Variants in LRP12 observed in about 807,000 individuals in gnomAD.
The protein encoded by LRP12 is LDL receptor related protein 12, also known as low-density lipoprotein receptor-related protein 12.
A neutral mutation model predicts 66.0 loss-of-function variants in LRP12; 14 were observed. The observed-to-expected ratio is 0.21, with a 90% confidence interval of 0.14 to 0.33. LRP12 has a LOEUF of 0.33. Ranked by LOEUF, LRP12 falls within the 10% of genes least tolerant of loss-of-function variation. The pLI, the probability that LRP12 is intolerant of heterozygous loss-of-function variation, is 1.00. For synonymous variants in LRP12, 357 were observed against 359.1 expected (o/e 0.99, Z 0.07); for missense variants, 889 against 1,053.4 (o/e 0.84, Z 2.16).
intron 2 of LRP12, among the ~76,000 whole-genome samples, chr8:104,526,479 CAG>C (rs1395128094): frequency 6.6e-6 from 1 of 150,832 alleles, no homozygotes; most frequent in Non-Finnish European, 1.5e-5. Flanking sequence ...GGTACCAAAA[CAG>C]AGATATAGAT....
chr8:104,523,904 T>G (rs1811187889), intron 2 of LRP12, among the ~76,000 whole-genome samples: 1 of 152,124 alleles, frequency 6.6e-6, no homozygotes, highest in Non-Finnish European at 1.5e-5. Flanking sequence ...GAATTTTCTC[T>G]TATGATTTTC....
At chr8:104,506,641 GT>G (rs1329256666) in intron 3 of LRP12, 3 of 152,218 alleles carry the variant, frequency 2.0e-5, no homozygotes, top group African/African-American at 7.2e-5. Context: ...TCAGGCTGTG[GT>G]TGGTGGAAGA....
chr8:104,581,744 A>C (rs1389694935), intron 1 of LRP12, among the ~76,000 whole-genome samples: 1 of 148,624 alleles, frequency 6.7e-6, no homozygotes, highest in Non-Finnish European at 1.5e-5. Context: ...TAATGTAGAC[A>C]AAAAAAAAAT....
At chr8:104,525,521 A>AAATTCATG (rs1267318565) in intron 2 of LRP12, among the ~76,000 whole-genome samples, 2 of 152,176 alleles carry the variant, frequency 1.3e-5, no homozygotes, top group Non-Finnish European at 2.9e-5. Flanking sequence ...ATTCCCCCAA[A>AAATTCATG]AATTCATGAG....
intron 1 of LRP12, among the ~76,000 whole-genome samples, chr8:104,560,623 C>T (rs182834542): frequency 6.6e-6 from 1 of 152,100 alleles, no homozygotes; most frequent in African/African-American, 2.4e-5. Flanking sequence ...GAAGCAAATG[C>T]CACATATCAT....
At chr8:104,523,623 T>C (rs1043073624) in intron 2 of LRP12, among the ~76,000 whole-genome samples, 1 of 152,180 alleles carries the variant, frequency 6.6e-6, no homozygotes, top group Non-Finnish European at 1.5e-5. Context: ...TGATCTCTGG[T>C]GGTTCTCGTG....
intron 1 of LRP12, among the ~76,000 whole-genome samples, chr8:104,552,234 CT>C (rs1172765289): frequency 1.3e-5 from 2 of 151,926 alleles, no homozygotes; most frequent in Non-Finnish European, 2.9e-5. Context: ...TCTGCATTAG[CT>C]TTAGAACTTG....
intron 1 of LRP12, chr8:104,566,058 G>A: frequency 4.8e-6 from 1 of 207,386 alleles, no homozygotes; most frequent in Non-Finnish European, 9.5e-6. Flanking sequence ...CAAAAAAAAT[G>A]GCAGGTCATT....
At chr8:104,529,599 ATATC>A (rs1178954148) in intron 2 of LRP12, among the ~76,000 whole-genome samples, 29 of 152,352 alleles carry the variant, frequency 1.9e-4, no homozygotes, top group South Asian at 1.9e-3. Flanking sequence ...ATGTAGTACT[ATATC>A]TATCTAAATT....
At chr8:104,495,409 T>A in intron 5 of LRP12, 200 bp from the exon 6 acceptor site, 1 of 506,872 alleles carries the variant, frequency 2.0e-6, no homozygotes, top group Admixed American at 3.4e-5. Flanking sequence ...TCTGTCTTCA[T>A]AGGGCTTTAT....
rs1011639643 is a variant in LRP12, at chr8:104,508,986, G to A, written c.225C>T (p.Asn75=). 3.1e-6 allele frequency: 5 copies of A among 1,613,718 alleles called. No individual in the cohort carries two copies. The East Asian group carries it at 6.7e-5, about 22-fold the overall frequency. The change falls in exon 3 of 7, where the codon AAC becomes AAT. Residue 75 remains asparagine (N), a synonymous_variant. Transcript: ENST00000276654. ...GWPSEYPAKI[N]CSWFIRANPG... ...GGTTTGCCCTTATGAACCAGCTACA[G>A]TTGATTTTTGCAGGATATTCAGAAG...
intron 1 of LRP12, among the ~76,000 whole-genome samples, chr8:104,547,098 T>A (rs1334931770): frequency 2.1e-5 from 3 of 144,968 alleles, no homozygotes; most frequent in African/African-American, 7.6e-5. Flanking sequence ...TCATAGTTTG[T>A]ATATAATATA....
intron 3 of LRP12, among the ~76,000 whole-genome samples, chr8:104,502,925 C>T (rs896637817): frequency 6.6e-6 from 1 of 152,172 alleles, no homozygotes; most frequent in Non-Finnish European, 1.5e-5. Flanking sequence ...GTGGCTCACG[C>T]CGTAATCCCA....
intron 1 of LRP12, among the ~76,000 whole-genome samples, chr8:104,567,892 T>C (rs1283667136): frequency 6.6e-6 from 1 of 152,202 alleles, no homozygotes; most frequent in African/African-American, 2.4e-5. Context: ...AAATCCTAGC[T>C]ACCTTCCCCT....
At chr8:104,564,615 CA>C (rs1249228074) in intron 1 of LRP12, among the ~76,000 whole-genome samples, 2 of 151,250 alleles carry the variant, frequency 1.3e-5, no homozygotes, top group African/African-American at 4.9e-5. Flanking sequence ...ACTAAAAAAA[CA>C]AAACTATCAT....
intron 1 of LRP12, among the ~76,000 whole-genome samples, chr8:104,533,053 T>C (rs549593941): frequency 6.6e-6 from 1 of 152,216 alleles, no homozygotes; most frequent in Admixed American, 6.6e-5. Context: ...TAAAACAATA[T>C]TTTTGGTTCA....
chr8:104,553,758 T>A (rs1040563869), intron 1 of LRP12, among the ~76,000 whole-genome samples: 6 of 147,176 alleles, frequency 4.1e-5, no homozygotes, highest in Admixed American at 4.0e-4. Context: ...CAAGCTTGTA[T>A]CCTCCTTACA....
chr8:104,540,543 AATAAG>A (rs1320922707), intron 1 of LRP12, among the ~76,000 whole-genome samples: 1 of 152,190 alleles, frequency 6.6e-6, no homozygotes, highest in Non-Finnish European at 1.5e-5. Context: ...ATCCCTGAGA[AATAAG>A]ATATTTTCCT....
chr8:104,547,592 T>C (rs1188006527), intron 1 of LRP12, among the ~76,000 whole-genome samples: 5 of 122,200 alleles, frequency 4.1e-5, no homozygotes, highest in African/African-American at 6.5e-5. Context: ...TAATATATAA[T>C]ATATAATAAT....
Sources: gnomAD v4.1 joint callset for allele counts (sites outside exome capture counted in the v4.1 genomes callset) on GRCh38, gnomAD v4.1.1 for gene constraint, MANE v1.5 for transcripts, NCBI Gene and HGNC (gene_info 2026-07-23, HGNC 2026-07-21) for gene names.